The following RBFOX3 variants were observed in gnomAD, a reference collection of about 807,000 sequenced individuals.
The protein encoded by RBFOX3 is RNA binding fox-1 homolog 3, also known as RNA binding protein fox-1 homolog 3.
A neutral mutation model predicts 48.7 loss-of-function variants in RBFOX3; 17 were observed. That is an observed-to-expected ratio of 0.35 (90% confidence interval 0.24 to 0.52). RBFOX3 has a LOEUF of 0.52. RBFOX3 is among the 20% of genes least tolerant of loss of function. The probability of loss-of-function intolerance (pLI) is 0.94; values close to 1 mark genes in which losing one functional copy is unlikely to be tolerated. For synonymous variants in RBFOX3, 212 were observed against 209.5 expected, an observed-to-expected ratio of 1.01 and a Z score of -0.10; for missense variants, 382 against 497.5, an observed-to-expected ratio of 0.77 and a Z score of 2.21.
intron 1 of RBFOX3, among the ~76,000 whole-genome samples, chr17:79,533,353 G>A (rs1441238162): frequency 4.6e-5 from 7 of 152,188 alleles, no homozygotes; most frequent in South Asian, 2.1e-4. Context: ...GGCTGGCGGC[G>A]GCAGAACAGA....
chr17:79,530,606 G>A (rs1489554099), intron 1 of RBFOX3, among the ~76,000 whole-genome samples: 3 of 152,094 alleles, frequency 2.0e-5, no homozygotes, highest in African/African-American at 7.2e-5. Flanking sequence ...GAGGATGGCC[G>A]CCCCAGCAGT....
intron 4 of RBFOX3, among the ~76,000 whole-genome samples, chr17:79,169,612 C>A (rs2048727948): frequency 6.6e-6 from 1 of 152,220 alleles, no homozygotes; most frequent in African/African-American, 2.4e-5. Context: ...GCACCGAGGG[C>A]CCCACCTGGT....
chr17:79,525,193 G>A (rs1383036544), intron 1 of RBFOX3, among the ~76,000 whole-genome samples: 1 of 152,054 alleles, frequency 6.6e-6, no homozygotes, highest in African/African-American at 2.4e-5. Flanking sequence ...GGTGTGGAGC[G>A]GCGTCTCTGG....
At chr17:79,379,000 C>T (rs1314141547) in intron 2 of RBFOX3, among the ~76,000 whole-genome samples, 1 of 152,174 alleles carries the variant, frequency 6.6e-6, no homozygotes, top group African/African-American at 2.4e-5. Flanking sequence ...TTCCGTGTCC[C>T]AGCCCTGGGT....
intron 2 of RBFOX3, among the ~76,000 whole-genome samples, chr17:79,441,041 G>A (rs889498427): frequency 1.3e-5 from 2 of 152,248 alleles, no homozygotes; most frequent in African/African-American, 2.4e-5. Flanking sequence ...TCACACACCT[G>A]GGGGTGCAGG....
chr17:79,341,429 C>T (rs1033638604), intron 2 of RBFOX3, among the ~76,000 whole-genome samples: 1 of 152,204 alleles, frequency 6.6e-6, no homozygotes, highest in Admixed American at 6.5e-5. Context: ...TATTCATATA[C>T]CTATCACCAA....
intron 13 of RBFOX3, among the ~76,000 whole-genome samples, chr17:79,094,920 C>T (rs543917621): frequency 3.5e-4 from 54 of 152,192 alleles, no homozygotes; most frequent in African/African-American, 1.3e-3. Context: ...AGAGGGTCAA[C>T]GAGGAGGGAC....
chr17:79,169,992 G>A (rs2048817016), intron 4 of RBFOX3, among the ~76,000 whole-genome samples: 1 of 151,214 alleles, frequency 6.6e-6, no homozygotes, highest in Admixed American at 6.6e-5. Context: ...TAAAAAAGGA[G>A]GAAAAGTGGG....
intron 4 of RBFOX3, among the ~76,000 whole-genome samples, chr17:79,186,678 T>TAAA (rs34346626): frequency 1.3e-5 from 2 of 151,688 alleles, no homozygotes; most frequent in African/African-American, 4.8e-5. Context: ...ATTCACTACT[T>TAAA]AAAAAAAAGA....
At chr17:79,266,954 T>C (rs1038047079) in intron 3 of RBFOX3, among the ~76,000 whole-genome samples, 2 of 152,156 alleles carry the variant, frequency 1.3e-5, no homozygotes, top group Non-Finnish European at 2.9e-5. Flanking sequence ...TGCCACTTTC[T>C]TGAGTTCTGT....
intron 3 of RBFOX3, among the ~76,000 whole-genome samples, chr17:79,263,489 G>T (rs2148505775): frequency 6.6e-6 from 1 of 152,342 alleles, no homozygotes; most frequent in South Asian, 2.1e-4. Flanking sequence ...CTGGGCCCTG[G>T]CTGGGAGAGT....
intron 4 of RBFOX3, among the ~76,000 whole-genome samples, chr17:79,178,502 G>A (rs2051117381): frequency 6.6e-6 from 1 of 152,202 alleles, no homozygotes; most frequent in Non-Finnish European, 1.5e-5. Context: ...TGCCTGGGCT[G>A]GAATCCAGGT....
chr17:79,145,516 GT>G (rs1450964957), intron 4 of RBFOX3, among the ~76,000 whole-genome samples: 1 of 152,336 alleles, frequency 6.6e-6, no homozygotes, highest in Admixed American at 6.5e-5. Flanking sequence ...CCTGCTCTCC[GT>G]GTTCTCCGGA....
intron 5 of RBFOX3, among the ~76,000 whole-genome samples, chr17:79,108,634 T>C (rs1407393894): frequency 6.6e-6 from 1 of 152,262 alleles, no homozygotes; most frequent in Non-Finnish European, 1.5e-5. Context: ...TCTGAGTGGC[T>C]GTCCGGCTGT....
chr17:79,655,206 C>G, the RBFOX3 span, among the ~76,000 whole-genome samples: 1 of 152,076 alleles, frequency 6.6e-6, no homozygotes, highest in African/African-American at 2.4e-5. Context: ...CGGACCAGCA[C>G]GAAGAGGGCA....
chr17:79,624,848 C>A, the RBFOX3 span, among the ~76,000 whole-genome samples: 34 of 131,462 alleles, frequency 2.6e-4, no homozygotes, highest in Middle Eastern at 8.3e-3. Flanking sequence ...CGAGGAGAAC[C>A]ATCCGGAGCT....
intron 2 of RBFOX3, among the ~76,000 whole-genome samples, chr17:79,437,183 C>A (rs1284659512): frequency 1.3e-5 from 2 of 152,130 alleles, no homozygotes; most frequent in Non-Finnish European, 2.9e-5. Context: ...GAGGGTCTCA[C>A]CCCCCAGGAG....
intron 1 of RBFOX3, among the ~76,000 whole-genome samples, chr17:79,486,570 G>T (rs1323947930): frequency 6.6e-6 from 1 of 152,066 alleles, no homozygotes; most frequent in African/African-American, 2.4e-5. Flanking sequence ...AGCACAGACG[G>T]GCCATCCTGG....
intron 1 of RBFOX3, among the ~76,000 whole-genome samples, chr17:79,582,345 T>C (rs1248262750): frequency 6.6e-6 from 1 of 152,108 alleles, no homozygotes; most frequent in East Asian, 1.9e-4. Context: ...CCTACATGTA[T>C]GTGTGTGTGT....
Sources: allele counts gnomAD v4.1 joint callset (sites outside exome capture counted in the v4.1 genomes callset), GRCh38; gene constraint gnomAD v4.1.1; transcripts MANE v1.5; gene names NCBI Gene and HGNC (gene_info 2026-07-23, HGNC 2026-07-21).